Variants in HRH3 observed in about 807,000 individuals in gnomAD.
The protein encoded by HRH3 is histamine receptor H3.
Under a neutral mutation model 21.6 loss-of-function variants are expected in HRH3, and 13 were observed. The observed-to-expected ratio is 0.60, with a 90% confidence interval of 0.39 to 0.96. HRH3 has a LOEUF of 0.96. Ranked by LOEUF, HRH3 falls within the 40% of genes least tolerant of loss-of-function variation. HRH3 has a pLI of 0.00. For synonymous variants in HRH3, 276 were observed against 290.3 expected, an observed-to-expected ratio of 0.95 and a Z score of 0.50; for missense variants, 461 against 622.7, an observed-to-expected ratio of 0.74 and a Z score of 2.76.
chr20:62,215,848 G>A lies in HRH3; in HGVS notation c.*158C>T, dbSNP rs200576149. Reference sequence around the variant, plus strand: ...GGCCCTCTGGCCAACCCAGGAAGGCGCCTCCATGGCAGGGTGGCTGCCGTG... The same window carrying A: ...GGCCCTCTGGCCAACCCAGGAAGGCACCTCCATGGCAGGGTGGCTGCCGTG... On this transcript the variant is annotated 3_prime_UTR_variant, in exon 3 of 3. Transcript: ENST00000340177. 34 of 736,648 alleles carry A rather than the reference G, an allele frequency of 4.6e-5. No homozygotes were observed. Among genetic ancestry groups the A allele is most frequent in the South Asian group, 7.8e-5 (4 of 51,284 alleles). 45.6% of individuals were successfully genotyped at this position (736,648 alleles called of 1,614,324 possible). A position where few individuals can be genotyped will look rare whatever the true frequency, so the allele number is the denominator to read the frequency against.
rs1568807291 is a variant in HRH3 at position 62,219,566 on chromosome 20, C to T, written c.250+155G>A. Among the ~76,000 whole-genome samples the T allele has an allele frequency of 6.6e-6, 1 of 151,962 alleles. No individual in the cohort carries two copies. The highest frequency in any genetic ancestry group is 1.5e-5 in the Non-Finnish European group (1 of 67,990). ...AGTGGCAAGGAACTTCGCCTGTGCC[C>T]CCCACCCCATGGGCTCCGGACGCCC... On this transcript the variant is annotated intron_variant, in intron 1 of 2. Coordinates refer to ENST00000340177, the MANE Select transcript of HRH3 (RefSeq NM_007232.3). This position sits in a 1 kb window ranked among gnomAD's most constrained non-coding sequence, Gnocchi z 8.7.
In HRH3 at chr20:62,216,268, G is replaced by A. The variant is rs1978537058; in HGVS notation, c.1076C>T (p.Ser359Leu). 1.9e-6 allele frequency: 3 copies of A among 1,611,976 alleles called. No individual in the cohort carries two copies. The highest frequency in any genetic ancestry group is 1.7e-6 in the Non-Finnish European group (2 of 1,179,234). Residue 359 changes from serine to leucine, a missense_variant, in exon 3 of 3, where the codon TCG becomes TTG. Physicochemically the swap from Ser to Leu is moderately radical, Grantham distance 145 (BLOSUM62 -2). Coordinates refer to ENST00000340177, the MANE Select transcript of HRH3 (RefSeq NM_007232.3). ...RLSRDRKVAK[S>L]LAVIVSIFGL... ...AAAGATGCTCACGATGACGGCCAGC[G>A]ACTTGGCCACTTTCCTGTCCCGAGA...
In HRH3 at chr20:62,216,577, G is replaced by A; in HGVS notation, c.767C>T (p.Pro256Leu). The A allele has an allele frequency of 6.2e-7, 1 of 1,606,256 alleles. No homozygotes were observed. The highest frequency in any genetic ancestry group is 1.1e-5 in the South Asian group (1 of 90,620). Residue 256 changes from proline (P) to leucine (L), a missense_variant, in exon 3 of 3, where the codon CCT becomes CTT. Physicochemically the swap from Pro to Leu is moderately conservative, Grantham distance 98. Coordinates refer to ENST00000340177, the MANE Select transcript of HRH3 (RefSeq NM_007232.3). ...PEAQPSPPPP[P>L]GCWGCWQKGH... The stretch of plus-strand genomic sequence containing the variant: ...CTTCTGCCAGCAGCCCCAGCAGCCA[G>A]GCGGTGGGGGTGGTGAGGGCTGGGC...
chr20:62,218,242 C>G lies in HRH3; in HGVS notation c.417+249G>C, dbSNP rs1410748336. On this transcript the variant is annotated intron_variant, in intron 2 of 2. Transcript: ENST00000340177. This position sits in a 1 kb window ranked among gnomAD's most constrained non-coding sequence, Gnocchi z 5.6. Reference sequence around the variant, plus strand: ...TGCCCCAGGGCGGGGGCTGCAGCGACAGCCCTGCCTTCAGGACCATCTGCA... The same window carrying G: ...TGCCCCAGGGCGGGGGCTGCAGCGAGAGCCCTGCCTTCAGGACCATCTGCA... Among the ~76,000 whole-genome samples, 1 of 152,254 alleles carries G rather than the reference C, an allele frequency of 6.6e-6. No individual in the cohort carries two copies. The highest frequency in any genetic ancestry group is 1.5e-5 in the Non-Finnish European group (1 of 68,042).
Position 62,216,731 on chromosome 20 carries a change from G to A in HRH3, c.613C>T (p.Leu205=). Residue 205 remains leucine, a synonymous_variant, in exon 3 of 3, where the codon CTG becomes TTG. Transcript: ENST00000340177. The part of the protein sequence containing the change: ...NWYFLITAST[L]EFFTPFLSVT... ...CTGAGGAAGGGCGTAAAGAACTCCA[G>A]GGTGGAAGCCGTGATGAGGAAGTAC... is the stretch of plus-strand genomic sequence containing the variant. 1 of 1,613,330 alleles carries A rather than the reference G, an allele frequency of 6.2e-7. No homozygotes were observed. Among genetic ancestry groups the A allele is most frequent in the Non-Finnish European group, 8.5e-7 (1 of 1,180,020 alleles).
rs755605299 is a variant in HRH3 at position 62,216,898 on chromosome 20, G to A, written c.446C>T (p.Thr149Met). ...CAGCATCTTCCGCACTGCCCGCCGC[G>A]TGTCACCCTGCTGGGCCCGGTATGA... ...AVSYRAQQGD[T>M]RRAVRKMLLV... The change falls in exon 3 of 3, where the codon ACG becomes ATG. Residue 149 changes from threonine (T) to methionine (M), a missense_variant. Physicochemically the swap from Thr to Met is moderately conservative, Grantham distance 81. Around this residue, in one of 6 missense-constraint regions of HRH3, gnomAD observed 74 missense variants for 86.6 expected, o/e 0.85. Coordinates refer to ENST00000340177, the MANE Select transcript of HRH3 (RefSeq NM_007232.3). The A allele has an allele frequency of 8.7e-6, 14 of 1,607,682 alleles. No individual in the cohort carries two copies. Among genetic ancestry groups the A allele is most frequent in the South Asian group, 6.6e-5 (6 of 90,838 alleles).
rs145146001 is a variant in HRH3 at position 62,216,260 on chromosome 20, C to T, written c.1084G>A (p.Val362Ile). ...RDRKVAKSLA[V>I]IVSIFGLCWA... ...CAGAGCCCAAAGATGCTCACGATGA[C>T]GGCCAGCGACTTGGCCACTTTCCTG... is the stretch of plus-strand genomic sequence containing the variant. The change falls in exon 3 of 3, where the codon GTC (valine) becomes ATC (isoleucine). Residue 362 changes from valine to isoleucine, a missense_variant. By Grantham distance (29) the Val-to-Ile change is conservative. This residue lies in a region of HRH3 where 102 missense variants were observed against 166.6 expected (regional missense o/e 0.61). Transcript: ENST00000340177. 5.3e-4 allele frequency: 848 copies of T among 1,611,998 alleles called. 2 individuals carry two copies. In the African/African-American group the frequency reaches 9.3e-3, roughly 18 times the overall value.
In HRH3 at chr20:62,218,590, G is replaced by A; in HGVS notation, c.318C>T (p.Leu106=). 1 of 1,612,526 alleles carries A rather than the reference G, an allele frequency of 6.2e-7. No homozygotes were observed. Among genetic ancestry groups the A allele is most frequent in the Non-Finnish European group, 8.5e-7 (1 of 1,179,964 alleles). ...AGTCCACTACCAGCCACAGCTTGCA[G>A]AGGCCCCGGCCGAAGGTCCAGCGGC... ...LTGRWTFGRG[L]CKLWLVVDYL... Residue 106 remains leucine (L), a synonymous_variant, in exon 2 of 3, where the codon CTC becomes CTT. Transcript: ENST00000340177. This position sits in a 1 kb window ranked among gnomAD's most constrained non-coding sequence, Gnocchi z 5.6.
rs202146230 is a variant in HRH3 at position 62,218,612 on chromosome 20, C to T, written c.296G>A (p.Arg99His). The T allele has an allele frequency of 2.4e-5, 38 of 1,612,222 alleles. No individual in the cohort carries two copies. Among genetic ancestry groups the T allele is most frequent in the Admixed American group, 1.7e-4 (10 of 59,992 alleles). Residue 99 changes from arginine (R) to histidine (H), a missense_variant, in exon 2 of 3, where the codon CGC becomes CAC. Transcript: ENST00000340177. This position sits in a 1 kb window ranked among gnomAD's most constrained non-coding sequence, Gnocchi z 5.6. ...GCAGAGGCCCCGGCCGAAGGTCCAG[C>T]GGCCTGTCAGCACGTAGGGTACATA... ...PLYVPYVLTG[R>H]WTFGRGLCKL...
chr20:62,217,008 T>G, intron 2 of HRH3, 82 bp from the exon 3 acceptor site: 4 of 1,314,780 alleles, frequency 3.0e-6, no homozygotes, highest in Non-Finnish European at 4.1e-6. Context: ...GGCCCCTATG[T>G]GGGCCCTTCC....
Position 62,215,416 on chromosome 20 carries a change from C to T in HRH3, c.*590G>A, listed in dbSNP as rs988141619. 4.4e-6 allele frequency: 2 copies of T among 456,974 alleles called. No individual in the cohort carries two copies. Among genetic ancestry groups the T allele is most frequent in the African/African-American group, 2.0e-5 (1 of 50,096 alleles). The allele number at this position is 456,974 out of a possible 1,614,324, so 28.3% of individuals were successfully genotyped here. A position where few individuals can be genotyped will look rare whatever the true frequency, so the allele number is the denominator to read the frequency against. ...TTTCTTCTTCATCTTTCTGAAAACA[C>T]CCAGAATGGAAAAGCAGAGAACAGC... On this transcript the variant is annotated 3_prime_UTR_variant, in exon 3 of 3. Transcript: ENST00000340177.
rs1386897463 is a variant in HRH3, at chr20:62,216,383, T to G, written c.961A>C (p.Lys321Gln). 6.4e-7 allele frequency: 1 copy of G among 1,557,464 alleles called. No individual in the cohort carries two copies. Among genetic ancestry groups the G allele is most frequent in the East Asian group, 2.4e-5 (1 of 41,530 alleles). Residue 321 changes from lysine (K) to glutamine (Q), a missense_variant, in exon 3 of 3, where the codon AAG becomes CAG. Physicochemically the swap from Lys to Gln is moderately conservative, Grantham distance 53. Transcript: ENST00000340177. ...GACGCCGACGGCTTGGAGCCCCTCT[T>G]GAGTGAGCGCGGCCTCTCAGTGCCC... ...SRGTERPRSL[K>Q]RGSKPSASSA...
chr20:62,216,390 G>A lies in HRH3; in HGVS notation c.954C>T (p.Arg318=). Residue 318 remains arginine (R), a synonymous_variant, in exon 3 of 3, where the codon CGC becomes CGT. Transcript: ENST00000340177. ...ACGGCTTGGAGCCCCTCTTGAGTGAGCGCGGCCTCTCAGTGCCCCTCGAGG... is the reference window on the plus strand; with the variant it reads ...ACGGCTTGGAGCCCCTCTTGAGTGAACGCGGCCTCTCAGTGCCCCTCGAGG... ...GSSSRGTERP[R]SLKRGSKPSA... The A allele has an allele frequency of 6.4e-7, 1 of 1,550,526 alleles. No homozygotes were observed. The highest frequency in any genetic ancestry group is 8.7e-7 in the Non-Finnish European group (1 of 1,145,248).
Position 62,218,503 on chromosome 20 carries a change from C to T in HRH3, c.405G>A (p.Ser135=), listed in dbSNP as rs754872125. The change falls in exon 2 of 3, where the codon TCG becomes TCA. Residue 135 remains serine (S), a synonymous_variant. Coordinates refer to ENST00000340177, the MANE Select transcript of HRH3 (RefSeq NM_007232.3). This position sits in a 1 kb window ranked among gnomAD's most constrained non-coding sequence, Gnocchi z 5.6. The part of the protein sequence containing the change: ...IVLISYDRFL[S]VTRAVSYRAQ... Reference sequence around the variant, plus strand: ...GCCCAGGACTCACCGCTCGGGTGACCGACAGGAAGCGGTCGTAGCTGATGA... The same window carrying T: ...GCCCAGGACTCACCGCTCGGGTGACTGACAGGAAGCGGTCGTAGCTGATGA... The T allele has an allele frequency of 1.4e-5, 23 of 1,611,448 alleles. No homozygotes were observed. Among genetic ancestry groups the T allele is most frequent in the Admixed American group, 1.2e-4 (7 of 59,944 alleles).
chr20:62,217,045 C>T, intron 2 of HRH3, 119 bp from the exon 3 acceptor site: 4 of 975,030 alleles, frequency 4.1e-6, no homozygotes, highest in Non-Finnish European at 5.9e-6. Context: ...CTCCTTTCCC[C>T]TCCTGTCCTC....
chr20:62,220,039 G>A lies in HRH3; in HGVS notation c.-69C>T. ...CGGCCGAGAGCTGGGCGGCCGGGAGGGGCCCCGGCCCGGGAGCCTCGTCTT... is the reference window on the plus strand; with the variant it reads ...CGGCCGAGAGCTGGGCGGCCGGGAGAGGCCCCGGCCCGGGAGCCTCGTCTT... On this transcript the variant is annotated 5_prime_UTR_variant, in exon 1 of 3. Transcript: ENST00000340177. The A allele has an allele frequency of 1.0e-6, 1 of 986,300 alleles. No individual in the cohort carries two copies. 61.1% of individuals were successfully genotyped at this position (986,300 alleles called of 1,614,324 possible).
Position 62,216,759 on chromosome 20 carries a change from G to A in HRH3, c.585C>T (p.Asn195=), listed in dbSNP as rs920854087. The A allele has an allele frequency of 6.2e-7, 1 of 1,613,210 alleles. No individual in the cohort carries two copies. Among genetic ancestry groups the A allele is most frequent in the African/African-American group, 1.3e-5 (1 of 74,932 alleles). ...EGHCYAEFFY[N]WYFLITASTL... is the part of the protein sequence containing the mutation. ...TGGAAGCCGTGATGAGGAAGTACCA[G>A]TTGTAGAAGAACTCGGCATAGCAGT... Residue 195 remains asparagine (N), a synonymous_variant, in exon 3 of 3, where the codon AAC becomes AAT. Coordinates refer to ENST00000340177, the MANE Select transcript of HRH3 (RefSeq NM_007232.3).
At position 62,218,066 on chromosome 20, in the gene HRH3, G is replaced by T. The variant is rs565309714; in HGVS notation, c.417+425C>A. The stretch of plus-strand genomic sequence containing the variant: ...GGCAGGGTCCCTGACTCAGGTGGCC[G>T]CTCCCACAAAGGGAAATCTGCGGAG... On this transcript the variant is annotated intron_variant, in intron 2 of 2. Transcript: ENST00000340177. The surrounding 1 kb of genome is among the most constrained non-coding windows in gnomAD (Gnocchi z 5.6). Among the ~76,000 whole-genome samples, 86 of 152,314 alleles carry T rather than the reference G, an allele frequency of 5.6e-4. 3 individuals carry two copies. The Middle Eastern group carries it at 0.014, about 24-fold the overall frequency.
chr20:62,218,800 C>G lies in HRH3; in HGVS notation c.251-143G>C. The G allele has an allele frequency of 1.3e-6, 1 of 753,188 alleles. No individual in the cohort carries two copies. The highest frequency in any genetic ancestry group is 2.1e-6 in the Non-Finnish European group (1 of 470,292). The allele number at this position is 753,188 out of a possible 1,614,324, so 46.7% of individuals were successfully genotyped here. A position where few individuals can be genotyped will look rare whatever the true frequency, so the allele number is the denominator to read the frequency against. On this transcript the variant is annotated intron_variant, in intron 1 of 2. Transcript: ENST00000340177. This position sits in a 1 kb window ranked among gnomAD's most constrained non-coding sequence, Gnocchi z 5.6. ...CATCCTCATCTTACCACCCCTCCAC[C>G]TGGTGTCAGCCACAAACTCTGCCCT...
Sources: allele counts gnomAD v4.1 joint callset (sites outside exome capture counted in the v4.1 genomes callset), GRCh38; gene constraint gnomAD v4.1.1; regional missense constraint gnomAD v4.1.1; non-coding constraint Gnocchi (gnomAD v3.1); transcripts MANE v1.5; gene names NCBI Gene and HGNC (gene_info 2026-07-23, HGNC 2026-07-21).